Variants in IPO5 observed in about 807,000 individuals in gnomAD.
IPO5 encodes the protein importin 5, also known as importin-5.
A neutral mutation model predicts 143.3 loss-of-function variants in IPO5; 18 were observed. The ratio of observed to expected loss-of-function variants is 0.13; its 90% CI spans 0.09 to 0.19. The LOEUF is 0.19. IPO5 is among the 10% of genes least tolerant of loss of function. IPO5 has a pLI of 1.00. For synonymous variants in IPO5, 477 were observed against 465.7 expected (o/e 1.02, Z -0.31); for missense variants, 1,013 against 1,336.9 (o/e 0.76, Z 3.78).
rs773790719 is a variant in IPO5 at position 98,015,650 on chromosome 13, TC to T, written c.2437+11del. ...TCAAGAATTACGACAAGGTAAGTTT[TC>T]CATGCTTTTATTTCTGAATATAATC... On this transcript the variant is annotated intron_variant, in intron 23 of 28. Transcript: ENST00000651721. 1.7e-5 allele frequency: 27 copies of T among 1,592,998 alleles called. No homozygotes were observed. In the Middle Eastern group the frequency reaches 8.3e-4, roughly 49 times the overall value.
rs563078391 is a variant in IPO5 at position 97,958,930 on chromosome 13, G to A, written c.-113+4732G>A. 3.2e-4 allele frequency among the ~76,000 whole-genome samples: 48 copies of A among 152,144 alleles called. No homozygotes were observed. In the South Asian group the frequency reaches 9.6e-3, roughly 30 times the overall value. ...CTCACACCTGTAACCCCAGCACTTT[G>A]GGAGGCTGAGGCAGGTAGATCACCT... On this transcript the variant is annotated intron_variant, in intron 2 of 28. Transcript: ENST00000651721.
Position 97,956,070 on chromosome 13 carries a change from T to TGA in IPO5, c.-113+1873_-113+1874insAG, listed in dbSNP as rs1397328728. Among the ~76,000 whole-genome samples the TGA allele has an allele frequency of 2.0e-5, 3 of 149,812 alleles. No individual in the cohort carries two copies. In the East Asian group the frequency reaches 5.9e-4, roughly 29 times the overall value. On this transcript the variant is annotated intron_variant, in intron 2 of 28. Coordinates refer to ENST00000651721, the MANE Select transcript of IPO5 (RefSeq NM_002271.6). ...TGGCGTGAACCCGGGAGGTGGAGCTTGCAGTGAGCCAAGATCGCGCCACTG... is the reference window on the plus strand; with the variant it reads ...TGGCGTGAACCCGGGAGGTGGAGCTTGAGCAGTGAGCCAAGATCGCGCCACTG...
At chr13:98,016,452 C>G (rs887615577) in intron 24 of IPO5, among the ~76,000 whole-genome samples, 1 of 152,126 alleles carries the variant, frequency 6.6e-6, no homozygotes, top group Non-Finnish European at 1.5e-5. Context: ...ATTTTTCAAC[C>G]CATCTATTTT....
chr13:97,995,431 T>C (rs909555728), intron 11 of IPO5, among the ~76,000 whole-genome samples: 10 of 151,816 alleles, frequency 6.6e-5, no homozygotes, highest in African/African-American at 1.7e-4. Flanking sequence ...GTTATTTCTA[T>C]GGGGAAAAAA....
intron 3 of IPO5, among the ~76,000 whole-genome samples, chr13:97,974,056 C>CT (rs1886053922): frequency 6.6e-6 from 1 of 152,126 alleles, no homozygotes; most frequent in Non-Finnish European, 1.5e-5. Flanking sequence ...GAGTGAGACT[C>CT]TGTCTCAAAA....
At chr13:97,989,860 G>T (rs1039948726) in intron 7 of IPO5, among the ~76,000 whole-genome samples, 2 of 152,148 alleles carry the variant, frequency 1.3e-5, no homozygotes, top group South Asian at 4.1e-4. Flanking sequence ...GTCAGCTTTC[G>T]ACTGAGACAG....
chr13:98,021,208 T>A, intron 28 of IPO5, 75 bp downstream of exon 28: 1 of 1,325,366 alleles, frequency 7.5e-7, no homozygotes, highest in Non-Finnish European at 1.0e-6. Flanking sequence ...GAGAAGAAAC[T>A]AGAAATCTAA....
chr13:98,007,959 C>A, intron 17 of IPO5, 100 bp from the exon 18 acceptor site: 1 of 654,794 alleles, frequency 1.5e-6, no homozygotes, highest in Admixed American at 2.4e-5. Context: ...AAGTTATGAC[C>A]TATGTGGGCA....
chr13:97,963,871 T>G (rs1416437319), intron 2 of IPO5, among the ~76,000 whole-genome samples: 1 of 152,220 alleles, frequency 6.6e-6, no homozygotes, highest in African/African-American at 2.4e-5. Flanking sequence ...GTTTCCTGAC[T>G]TTTTAATGAT....
At chr13:98,018,971 CT>C (rs35835887) in intron 26 of IPO5, among the ~76,000 whole-genome samples, 53,203 of 148,916 alleles carry the variant, frequency 0.36, 10,451 homozygotes, top group Non-Finnish European at 0.46. Context: ...TAGAATAGGA[CT>C]TTTTTTTTTT....
chr13:97,990,809 G>A (rs1486689589), intron 9 of IPO5, among the ~76,000 whole-genome samples: 1 of 152,122 alleles, frequency 6.6e-6, no homozygotes, highest in Non-Finnish European at 1.5e-5. Flanking sequence ...TTATGGTCAT[G>A]TAGATTATTT....
chr13:97,953,942 C>T (rs968540220), intron 1 of IPO5, 177 bp from the exon 2 acceptor site: 2 of 455,778 alleles, frequency 4.4e-6, no homozygotes, highest in South Asian at 3.1e-5. Context: ...GAAACAATGA[C>T]GATTTCATGA....
intron 2 of IPO5, among the ~76,000 whole-genome samples, chr13:97,965,322 C>T (rs915062774): frequency 6.6e-6 from 1 of 151,926 alleles, no homozygotes; most frequent in African/African-American, 2.4e-5. Context: ...CAAACCTGCA[C>T]GTTCTGCACA....
chr13:97,976,291 T>TCAACCC (rs1373713561), intron 3 of IPO5, among the ~76,000 whole-genome samples: 2 of 149,970 alleles, frequency 1.3e-5, no homozygotes, highest in Non-Finnish European at 3.0e-5. Context: ...GACCTCGACC[T>TCAACCC]CAACCCCGAC....
intron 26 of IPO5, 81 bp from the exon 27 acceptor site, chr13:98,019,500 G>T (rs1890341361): frequency 1.0e-6 from 1 of 958,564 alleles, no homozygotes. Context: ...ATCAATATCT[G>T]AACCAAATAC....
intron 11 of IPO5, among the ~76,000 whole-genome samples, chr13:97,995,732 G>T (rs1888226335): frequency 6.6e-6 from 1 of 152,026 alleles, no homozygotes; most frequent in South Asian, 2.1e-4. Flanking sequence ...TGCAGCCTGG[G>T]CAACAGAGCA....
intron 2 of IPO5, among the ~76,000 whole-genome samples, chr13:97,966,310 A>T (rs1043919936): frequency 3.3e-5 from 5 of 152,056 alleles, no homozygotes; most frequent in Admixed American, 6.6e-5. Flanking sequence ...ATTCCTCTTT[A>T]TTCCTAGTTT....
At chr13:97,969,376 G>A (rs950291187) in intron 2 of IPO5, among the ~76,000 whole-genome samples, 7 of 150,968 alleles carry the variant, frequency 4.6e-5, no homozygotes, top group Non-Finnish European at 8.9e-5. Context: ...TAGAGACGGG[G>A]TTTTACCGTG....
chr13:97,972,794 G>A (rs1231203365), intron 3 of IPO5, among the ~76,000 whole-genome samples: 4 of 152,048 alleles, frequency 2.6e-5, no homozygotes, highest in Non-Finnish European at 4.4e-5. Context: ...ATAAGTTAAT[G>A]CTAGAAGAAC....
Sources: gnomAD v4.1 joint callset for allele counts (sites outside exome capture counted in the v4.1 genomes callset) on GRCh38, gnomAD v4.1.1 for gene constraint, MANE v1.5 for transcripts, NCBI Gene and HGNC (gene_info 2026-07-23, HGNC 2026-07-21) for gene names.